The following NOSTRIN variants were observed in gnomAD, a reference collection of about 807,000 sequenced individuals.
The protein encoded by NOSTRIN is nitric oxide synthase trafficking.
NOSTRIN carries 63 observed loss-of-function variants against 59.0 expected under a neutral mutation model. The observed-to-expected ratio is 1.07, with a 90% CI of 0.87 to 1.32. The LOEUF is 1.32. Ranked by LOEUF, NOSTRIN falls within the 40% of genes most tolerant of loss-of-function variation. The pLI is 0.00. For synonymous variants in NOSTRIN, 200 were observed against 165.4 expected (o/e 1.21, Z -1.61); for missense variants, 512 against 473.1 (o/e 1.08, Z -0.76).
intron 7 of NOSTRIN, among the ~76,000 whole-genome samples, chr2:168,840,245 T>C (rs191997611): frequency 3.4e-3 from 522 of 152,054 alleles, no homozygotes; most frequent in African/African-American, 9.0e-3. Flanking sequence ...AAACCAGATA[T>C]GTCAGCTGGG....
chr2:168,862,424 C>T (rs1189427669), intron 15 of NOSTRIN, among the ~76,000 whole-genome samples: 2 of 152,218 alleles, frequency 1.3e-5, no homozygotes, highest in African/African-American at 4.8e-5. Flanking sequence ...TGCTCCTAAT[C>T]ACAGTGCACA....
intron 2 of NOSTRIN, among the ~76,000 whole-genome samples, chr2:168,812,268 T>C (rs1686181098): frequency 6.6e-6 from 1 of 152,176 alleles, no homozygotes; most frequent in Admixed American, 6.5e-5. Flanking sequence ...TTAGGCCTTT[T>C]CCCTACTTCT....
chr2:168,792,921 C>T (rs1685393072), intron 2 of NOSTRIN, among the ~76,000 whole-genome samples: 1 of 152,120 alleles, frequency 6.6e-6, no homozygotes, highest in Non-Finnish European at 1.5e-5. Context: ...GAAACTGAAA[C>T]TCAAAGGGGC....
chr2:168,849,151 G>T (rs1688599299), intron 8 of NOSTRIN, among the ~76,000 whole-genome samples: 1 of 152,062 alleles, frequency 6.6e-6, no homozygotes, highest in Admixed American at 6.5e-5. Flanking sequence ...ACTGCCAAGG[G>T]CCTTGAGACA....
chr2:168,860,361 T>G (rs1689358941), intron 13 of NOSTRIN, among the ~76,000 whole-genome samples: 1 of 152,192 alleles, frequency 6.6e-6, no homozygotes, highest in South Asian at 2.1e-4. Context: ...CTTTGAATTA[T>G]TTATACCCCT....
chr2:168,859,708 A>G, intron 13 of NOSTRIN, 71 bp downstream of exon 13: 1 of 1,542,062 alleles, frequency 6.5e-7, no homozygotes, highest in Non-Finnish European at 8.8e-7. Flanking sequence ...AAGTAGCATC[A>G]GGGCAAAAAA....
chr2:168,815,671 T>C (rs1296504042), intron 2 of NOSTRIN, among the ~76,000 whole-genome samples: 3 of 152,206 alleles, frequency 2.0e-5, no homozygotes, highest in Admixed American at 2.0e-4. Context: ...TCTACCATCA[T>C]CCTGGGTGAC....
At chr2:168,855,731 CTG>C (rs1474971697) in intron 11 of NOSTRIN, 1 of 414,028 alleles carries the variant, frequency 2.4e-6, no homozygotes, top group Non-Finnish European at 4.3e-6. Context: ...AGCATTTTAA[CTG>C]TGTTTCTGAA....
intron 8 of NOSTRIN, among the ~76,000 whole-genome samples, chr2:168,850,176 G>C (rs13398166): frequency 2.0e-5 from 3 of 151,738 alleles, no homozygotes; most frequent in African/African-American, 7.3e-5. Flanking sequence ...GCCTCCCAAC[G>C]TGCTGGGATT....
intron 15 of NOSTRIN, among the ~76,000 whole-genome samples, chr2:168,863,917 A>ATT (rs556775882): frequency 0.021 from 3,117 of 147,790 alleles, 82 homozygotes; most frequent in African/African-American, 0.071. Context: ...ATCTTTTTTT[A>ATT]TTTTTTTTTT....
chr2:168,811,026 C>T (rs1460538483), intron 1 of NOSTRIN, among the ~76,000 whole-genome samples: 4 of 152,114 alleles, frequency 2.6e-5, no homozygotes, highest in Admixed American at 1.3e-4. Flanking sequence ...AAATGTTCAA[C>T]TCATTGCGAT....
chr2:168,802,558 C>T (rs1685648356), upstream of NOSTRIN: 2 of 823,120 alleles, frequency 2.4e-6, no homozygotes, highest in Non-Finnish European at 4.2e-6. Flanking sequence ...CCCTTTGAAT[C>T]CCGGAAGTCC....
At chr2:168,847,092 C>A (rs1245057977) in intron 8 of NOSTRIN, among the ~76,000 whole-genome samples, 1 of 152,156 alleles carries the variant, frequency 6.6e-6, no homozygotes, top group Non-Finnish European at 1.5e-5. Flanking sequence ...CACGCCTGCA[C>A]CATGGATGCT....
chr2:168,861,061 C>A (rs76302666), intron 14 of NOSTRIN, 152 bp downstream of exon 14: 9,952 of 589,428 alleles, frequency 0.017, 517 homozygotes, highest in African/African-American at 0.13. Context: ...GACTCTGTAG[C>A]TTTATGTAAA....
chr2:168,861,100 G>C (rs1476812087), intron 14 of NOSTRIN, among the ~76,000 whole-genome samples, 191 bp downstream of exon 14: 1 of 152,198 alleles, frequency 6.6e-6, no homozygotes, highest in Non-Finnish European at 1.5e-5. Context: ...AGAGTAGAGG[G>C]TTGGGAAAGT....
At chr2:168,852,728 C>T (rs1341867501) in intron 10 of NOSTRIN, among the ~76,000 whole-genome samples, 1 of 152,128 alleles carries the variant, frequency 6.6e-6, no homozygotes, top group Admixed American at 6.5e-5. Flanking sequence ...CTGCAGTAAA[C>T]CCTGATTGGC....
chr2:168,841,033 G>A (rs770378694), intron 7 of NOSTRIN, among the ~76,000 whole-genome samples: 19 of 151,792 alleles, frequency 1.3e-4, no homozygotes, highest in Non-Finnish European at 2.2e-4. Context: ...TAGACAGATC[G>A]CTTGAGCCCA....
chr2:168,804,984 A>G (rs1685774572), intron 1 of NOSTRIN, among the ~76,000 whole-genome samples: 1 of 152,240 alleles, frequency 6.6e-6, no homozygotes, highest in Non-Finnish European at 1.5e-5. Flanking sequence ...TACTTAAGAT[A>G]TGTAATTTAG....
At chr2:168,822,026 G>A (rs1432696603) in intron 2 of NOSTRIN, among the ~76,000 whole-genome samples, 1 of 152,182 alleles carries the variant, frequency 6.6e-6, no homozygotes. Context: ...CCACTGAATG[G>A]TAGAGATCTC....
Sources: allele counts gnomAD v4.1 joint callset (sites outside exome capture counted in the v4.1 genomes callset), GRCh38; gene constraint gnomAD v4.1.1; transcripts MANE v1.5; gene names NCBI Gene and HGNC (gene_info 2026-07-23, HGNC 2026-07-21).